MYT1L: variants seen among roughly 807,000 people sequenced by gnomAD.
The protein encoded by MYT1L is myelin transcription factor 1 like, also known as myelin transcription factor 1-like protein.
A neutral mutation model predicts 126.7 loss-of-function variants in MYT1L; 12 were observed. The observed-to-expected ratio is 0.09, with a 90% CI of 0.06 to 0.15. The LOEUF is 0.15. Ranked by LOEUF, MYT1L falls within the 10% of genes least tolerant of loss-of-function variation. The probability of loss-of-function intolerance (pLI) is 1.00; values close to 1 mark genes in which losing one functional copy is unlikely to be tolerated. For synonymous variants in MYT1L, 541 were observed against 604.2 expected, an observed-to-expected ratio of 0.90 and a Z score of 1.53; for missense variants, 979 against 1,585.2, an observed-to-expected ratio of 0.62 and a Z score of 6.49.
In MYT1L at chr2:1,848,608, A is replaced by G. The variant is rs2042821409; in HGVS notation, c.2774+3033T>C. Among the ~76,000 whole-genome samples the G allele has an allele frequency of 6.6e-6, 1 of 152,158 alleles. No homozygotes were observed. The highest frequency in any genetic ancestry group is 6.5e-5 in the Admixed American group (1 of 15,282). ...TCTTCCTGTTCCTGGGAAACAGACAATAGAAGATTAACATGAAAAGAAGTT... is the reference window on the plus strand; with the variant it reads ...TCTTCCTGTTCCTGGGAAACAGACAGTAGAAGATTAACATGAAAAGAAGTT... On this transcript the variant is annotated intron_variant, in intron 19 of 24. Coordinates refer to ENST00000647738, the MANE Select transcript of MYT1L (RefSeq NM_001303052.2). The surrounding 1 kb of genome is among the most constrained non-coding windows in gnomAD (Gnocchi z 4.8).
chr2:2,109,779 TTC>T (rs2079156825), intron 3 of MYT1L, among the ~76,000 whole-genome samples: 1 of 149,784 alleles, frequency 6.7e-6, no homozygotes, highest in African/African-American at 2.5e-5. Flanking sequence ...TTTGTAGGAT[TTC>T]TCTCTCACAC....
At chr2:2,210,328 T>G (rs1284177472) in intron 2 of MYT1L, among the ~76,000 whole-genome samples, 3 of 152,202 alleles carry the variant, frequency 2.0e-5, no homozygotes, top group Non-Finnish European at 4.4e-5. Flanking sequence ...CCCAGACCAA[T>G]ATCCTAGAGC....
intron 14 of MYT1L, among the ~76,000 whole-genome samples, chr2:1,895,017 T>A (rs544019204): frequency 1.3e-5 from 2 of 152,196 alleles, no homozygotes; most frequent in African/African-American, 4.8e-5. Flanking sequence ...GAGTTCAGTA[T>A]CTTATCAATT....
intron 18 of MYT1L, among the ~76,000 whole-genome samples, chr2:1,861,503 CT>C (rs34596674): frequency 0.16 from 23,409 of 143,918 alleles, 2,157 homozygotes; most frequent in East Asian, 0.32. Context: ...GTTTGTGAAT[CT>C]TTTTTTTTTT....
chr2:2,039,694 G>A (rs2067310656), intron 4 of MYT1L, among the ~76,000 whole-genome samples: 1 of 152,202 alleles, frequency 6.6e-6, no homozygotes. Flanking sequence ...GTTTTGATGA[G>A]GAATAGGATG....
chr2:1,975,074 C>A (rs929703319), intron 8 of MYT1L, among the ~76,000 whole-genome samples: 1 of 152,136 alleles, frequency 6.6e-6, no homozygotes, highest in Non-Finnish European at 1.5e-5. Flanking sequence ...ATCATAAACT[C>A]CTTTTTAAAA....
chr2:2,216,850 A>G (rs2093691384), intron 2 of MYT1L, among the ~76,000 whole-genome samples: 1 of 152,148 alleles, frequency 6.6e-6, no homozygotes, highest in Admixed American at 6.5e-5. Context: ...AAATGTCAAT[A>G]GTGAGCCTAC....
Position 2,059,448 on chromosome 2 carries a change from C to T in MYT1L, c.-303-5325G>A, listed in dbSNP as rs187247945. Among the ~76,000 whole-genome samples, 36 of 152,248 alleles carry T rather than the reference C, an allele frequency of 2.4e-4. No individual in the cohort carries two copies. The highest frequency in any genetic ancestry group is 2.2e-3 in the Admixed American group (33 of 15,304). On this transcript the variant is annotated intron_variant, in intron 3 of 24. Coordinates refer to ENST00000647738, the MANE Select transcript of MYT1L (RefSeq NM_001303052.2). This position sits in a 1 kb window ranked among gnomAD's most constrained non-coding sequence, Gnocchi z 4.7. ...GGAAGCACCCAATGGTCTCACTTTC[C>T]GTTTGTGTTGATGAGCAGAGCCCCC... is the stretch of plus-strand genomic sequence containing the variant.
intron 4 of MYT1L, among the ~76,000 whole-genome samples, chr2:2,016,448 C>T (rs2064403041): frequency 6.6e-6 from 1 of 152,196 alleles, no homozygotes; most frequent in Admixed American, 6.5e-5. Context: ...CACACGAAAC[C>T]CTAGCTCAAG....
intron 2 of MYT1L, among the ~76,000 whole-genome samples, chr2:2,210,322 G>A (rs2093460326): frequency 1.3e-5 from 2 of 152,252 alleles, no homozygotes; most frequent in South Asian, 2.1e-4. Flanking sequence ...ACTTTGCCCA[G>A]ACCAATATCC....
chr2:2,320,295 T>C (rs888249414), intron 1 of MYT1L, among the ~76,000 whole-genome samples: 3 of 152,048 alleles, frequency 2.0e-5, no homozygotes, highest in Admixed American at 6.5e-5. Flanking sequence ...GCCTCATCCA[T>C]GGCTGTCTTT....
chr2:1,820,405 T>C (rs1183158474), intron 21 of MYT1L, among the ~76,000 whole-genome samples: 4 of 152,186 alleles, frequency 2.6e-5, no homozygotes, highest in Non-Finnish European at 4.4e-5. Flanking sequence ...ATGATGAACC[T>C]CTGTGTGGTT....
chr2:1,894,777 T>C (rs6548053), intron 14 of MYT1L, among the ~76,000 whole-genome samples: 62,051 of 151,974 alleles, frequency 0.41, 14,326 homozygotes, highest in African/African-American at 0.64. Flanking sequence ...GGAGTGTGGG[T>C]GTGGAGGTGT....
At chr2:1,944,107 T>A (rs766307289) in intron 8 of MYT1L, among the ~76,000 whole-genome samples, 4 of 152,156 alleles carry the variant, frequency 2.6e-5, no homozygotes, top group Admixed American at 6.5e-5. Context: ...TTTTCTTTTT[T>A]TTATTATTAT....
intron 8 of MYT1L, among the ~76,000 whole-genome samples, chr2:1,959,243 G>A (rs1426949979): frequency 6.6e-6 from 1 of 152,148 alleles, no homozygotes; most frequent in Non-Finnish European, 1.5e-5. Flanking sequence ...TCATGCTCCT[G>A]GGCTTCCTGG....
chr2:2,328,510 A>T (rs2096265329), intron 1 of MYT1L, among the ~76,000 whole-genome samples: 1 of 152,170 alleles, frequency 6.6e-6, no homozygotes, highest in Admixed American at 6.5e-5. Flanking sequence ...ATGTGGTCAC[A>T]AATCATTGGG....
Position 2,262,927 on chromosome 2 carries a change from TATATAACCTGTG to T in MYT1L, c.-421+21465_-421+21476del, listed in dbSNP as rs901019768. Among the ~76,000 whole-genome samples the T allele has an allele frequency of 8.5e-5, 8 of 94,018 alleles. 1 individual carries two copies. The highest frequency in any genetic ancestry group is 1.3e-4 in the African/African-American group (3 of 22,362). The allele number at this position is 94,018 out of a possible 152,430, so 61.7% of individuals were successfully genotyped here. A position where few individuals can be genotyped will look rare whatever the true frequency, so the allele number is the denominator to read the frequency against. ...GGTGAGAGGCACAAATATATATATATATATAACCTGTGATATATATATATATATCACAGGTAA... is the reference window on the plus strand; with the variant it reads ...GGTGAGAGGCACAAATATATATATATATATATATATATATATCACAGGTAA... On this transcript the variant is annotated intron_variant, in intron 2 of 24. Coordinates refer to ENST00000647738, the MANE Select transcript of MYT1L (RefSeq NM_001303052.2).
intron 21 of MYT1L, among the ~76,000 whole-genome samples, chr2:1,810,840 T>G (rs909129375): frequency 1.3e-5 from 2 of 152,210 alleles, no homozygotes; most frequent in African/African-American, 4.8e-5. Flanking sequence ...TTGTTATTTT[T>G]TTGATGTGAT....
intron 3 of MYT1L, among the ~76,000 whole-genome samples, chr2:2,085,238 G>C (rs2076240307): frequency 6.6e-6 from 1 of 152,118 alleles, no homozygotes; most frequent in Non-Finnish European, 1.5e-5. Context: ...ATGTGCTCAG[G>C]CAAGCCCCCT....
Sources: gnomAD v4.1 joint callset for allele counts (sites outside exome capture counted in the v4.1 genomes callset) on GRCh38, gnomAD v4.1.1 for gene constraint, Gnocchi (gnomAD v3.1) non-coding constraint, MANE v1.5 for transcripts, NCBI Gene and HGNC (gene_info 2026-07-23, HGNC 2026-07-21) for gene names.